LAYN: variants seen among roughly 807,000 people sequenced by gnomAD.
The protein encoded by LAYN is layilin.
In LAYN, 38 loss-of-function variants were observed where a neutral mutation model predicts 43.6. The observed-to-expected ratio is 0.87, with a 90% CI of 0.67 to 1.14. The LOEUF is 1.14. Ranked by LOEUF, LAYN falls within the 50% of genes most tolerant of loss-of-function variation. LAYN has a pLI of 0.00. For missense variants in LAYN, 479 were observed against 463.8 expected, an observed-to-expected ratio of 1.03 and a Z score of -0.30; for synonymous variants, 168 against 172.9, an observed-to-expected ratio of 0.97 and a Z score of 0.22.
chr11:111,548,889 C>T (rs905570309), intron 2 of LAYN, among the ~76,000 whole-genome samples: 6 of 152,344 alleles, frequency 3.9e-5, no homozygotes, highest in African/African-American at 1.2e-4. Context: ...CTGGCACCCA[C>T]ATATCCAACT....
chr11:111,540,544 A>C (rs914935682), upstream of LAYN: 7 of 456,152 alleles, frequency 1.5e-5, no homozygotes, highest in Admixed American at 4.6e-5. Context: ...GGAGGGGGAC[A>C]GGGAGCTGGT....
At position 111,558,679 on chromosome 11, in the gene LAYN, A is replaced by G. The variant is rs556694797; in HGVS notation, c.761+1036A>G. On this transcript the variant is annotated intron_variant, in intron 6 of 6. Coordinates refer to ENST00000375614, the MANE Select transcript of LAYN (RefSeq NM_178834.5). ...GACTCTAAAGCTGGGGTGTCTGTCT[A>G]TCCCAAGGGTTTTTAATCTTTTTTG... Among the ~76,000 whole-genome samples, 7 of 151,822 alleles carry G rather than the reference A, an allele frequency of 4.6e-5. No homozygotes were observed. In the South Asian group the frequency reaches 1.5e-3, roughly 32 times the overall value.
intron 3 of LAYN, among the ~76,000 whole-genome samples, 187 bp downstream of exon 3, chr11:111,549,962 A>G (rs1867714969): frequency 6.6e-6 from 1 of 152,262 alleles, no homozygotes; most frequent in Non-Finnish European, 1.5e-5. Flanking sequence ...GAGTAATCCT[A>G]GCAAAGGAAA....
At chr11:111,558,076 G>T (rs933440600) in intron 6 of LAYN, among the ~76,000 whole-genome samples, 2 of 152,210 alleles carry the variant, frequency 1.3e-5, no homozygotes, top group African/African-American at 4.8e-5. Context: ...AATTCAAACT[G>T]AAAGAGCCAA....
upstream of LAYN, chr11:111,540,504 G>C (rs1867508349): frequency 5.2e-6 from 2 of 386,928 alleles, no homozygotes; most frequent in Non-Finnish European, 9.3e-6. Flanking sequence ...CCAGCGCCTC[G>C]GGCAAACGCG....
At chr11:111,544,311 A>G (rs1334297351) in intron 2 of LAYN, 91 bp downstream of exon 2, 2 of 1,283,142 alleles carry the variant, frequency 1.6e-6, no homozygotes, top group East Asian at 2.4e-5. Context: ...AGTGGGGAAG[A>G]GAAGACCAAC....
At chr11:111,557,015 T>C (rs1335192949) in intron 5 of LAYN, among the ~76,000 whole-genome samples, 1 of 152,206 alleles carries the variant, frequency 6.6e-6, no homozygotes. Flanking sequence ...ACCTCTTTCC[T>C]GGTAATGACA....
intron 3 of LAYN, among the ~76,000 whole-genome samples, chr11:111,550,631 C>A (rs1333497609): frequency 6.6e-6 from 1 of 152,138 alleles, no homozygotes; most frequent in South Asian, 2.1e-4. Context: ...AGATGTTTTT[C>A]TCTCTCTTTG....
At chr11:111,548,041 A>T (rs1382806339) in intron 2 of LAYN, among the ~76,000 whole-genome samples, 1 of 152,226 alleles carries the variant, frequency 6.6e-6, no homozygotes, top group Non-Finnish European at 1.5e-5. Context: ...CTGGGGAATG[A>T]TGACTGGCTG....
In LAYN at chr11:111,544,097, A is replaced by C. The variant is rs1867600376; in HGVS notation, c.260A>C (p.Glu87Ala). The C allele has an allele frequency of 3.7e-6, 6 of 1,614,116 alleles. No homozygotes were observed. Among genetic ancestry groups the C allele is most frequent in the Non-Finnish European group, 5.1e-6 (6 of 1,180,048 alleles). The change falls in exon 2 of 7, where the codon GAA becomes GCA. Residue 87 changes from glutamate (E) to alanine (A), a missense_variant. Transcript: ENST00000375614. The stretch of plus-strand genomic sequence containing the variant: ...CAGAAACTGATAGAAAAGTTCATTG[A>C]AAACCTCTTGCCATCTGATGGTGAC... The part of the protein sequence containing the change: ...DEQKLIEKFI[E>A]NLLPSDGDFW...
chr11:111,554,203 A>G (rs567377577), intron 3 of LAYN, among the ~76,000 whole-genome samples: 1 of 152,304 alleles, frequency 6.6e-6, no homozygotes, highest in South Asian at 2.1e-4. Context: ...AGTAGGGATT[A>G]TTGTTGAAAC....
intron 6 of LAYN, 52 bp from the exon 7 acceptor site, chr11:111,560,043 A>G (rs923946852): frequency 1.3e-6 from 2 of 1,540,324 alleles, no homozygotes; most frequent in African/African-American, 1.4e-5. Context: ...GCACAAGGGT[A>G]TTCTCAATCA....
chr11:111,555,638 A>T (rs1004809247), intron 5 of LAYN, among the ~76,000 whole-genome samples: 2 of 152,254 alleles, frequency 1.3e-5, no homozygotes, highest in African/African-American at 4.8e-5. Context: ...GATGCATAAC[A>T]TCTATGATTA....
Position 111,543,978 on chromosome 11 carries a change from C to T in LAYN, c.141C>T (p.Phe47=). ...TQRPCYKVIY[F]HDTSRRLNFE... ...GGCCTTGTTATAAAGTCATTTACTT[C>T]CATGATACTTCTCGAAGACTGAACT... Residue 47 remains phenylalanine, a synonymous_variant, in exon 2 of 7, where the codon TTC becomes TTT. Transcript: ENST00000375614. 6.2e-7 allele frequency: 1 copy of T among 1,614,182 alleles called. No homozygotes were observed. The highest frequency in any genetic ancestry group is 1.3e-5 in the African/African-American group (1 of 75,034).
At chr11:111,540,481 A>G (rs1315168891), upstream of LAYN, 2 of 341,272 alleles carry the variant, frequency 5.9e-6, no homozygotes, top group Non-Finnish European at 1.1e-5. Context: ...GCCCGACTGA[A>G]GTATTCCTCC....
At chr11:111,550,997 G>T (rs1766506906) in intron 3 of LAYN, among the ~76,000 whole-genome samples, 1 of 152,158 alleles carries the variant, frequency 6.6e-6, no homozygotes. Context: ...GCAAGAAAAA[G>T]ATGGCACACA....
At position 111,560,595 on chromosome 11, in the gene LAYN, C is replaced by A; in HGVS notation, c.*137C>A. On this transcript the variant is annotated 3_prime_UTR_variant, in exon 7 of 7. Coordinates refer to ENST00000375614, the MANE Select transcript of LAYN (RefSeq NM_178834.5). ...CCTGTGGATGAGCATGTGGTCCCCA[C>A]GACCTCCTGTTGGACCCCCACGTTT... The A allele has an allele frequency of 1.0e-6, 1 of 974,044 alleles. No individual in the cohort carries two copies. Among genetic ancestry groups the A allele is most frequent in the Non-Finnish European group, 1.5e-6 (1 of 671,960 alleles). 60.3% of individuals were successfully genotyped at this position (974,044 alleles called of 1,614,324 possible).
In LAYN at chr11:111,560,653, G is replaced by T. The variant is rs752511187; in HGVS notation, c.*195G>T. 9.1e-5 allele frequency: 54 copies of T among 596,510 alleles called. No homozygotes were observed. The highest frequency in any genetic ancestry group is 1.5e-4 in the Non-Finnish European group (52 of 345,610). The allele number at this position is 596,510 out of a possible 1,614,324, so 37.0% of individuals were successfully genotyped here. On this transcript the variant is annotated 3_prime_UTR_variant, in exon 7 of 7. Coordinates refer to ENST00000375614, the MANE Select transcript of LAYN (RefSeq NM_178834.5). ...ATCCTTTATCCCAGCCAGTCATCCA[G>T]CTCGACCTTATGAGAAGGTACCTTG...
At chr11:111,540,649 C>T (rs1565259406), upstream of LAYN, 2 of 539,066 alleles carry the variant, frequency 3.7e-6, no homozygotes, top group Non-Finnish European at 6.3e-6. Context: ...AGCGGGGCTG[C>T]CCTCCTCGCA....
Sources: allele counts gnomAD v4.1 joint callset (sites outside exome capture counted in the v4.1 genomes callset), GRCh38; gene constraint gnomAD v4.1.1; transcripts MANE v1.5; gene names NCBI Gene and HGNC (gene_info 2026-07-23, HGNC 2026-07-21).